NIPA2: variants seen among roughly 807,000 people sequenced by gnomAD.
The protein encoded by NIPA2 is NIPA magnesium transporter 2.
Under a neutral mutation model 29.7 loss-of-function variants are expected in NIPA2, and 11 were observed. That is an observed-to-expected ratio of 0.37 (90% confidence interval 0.23 to 0.61). The LOEUF (loss-of-function observed/expected upper bound fraction) is 0.61. Ranked by LOEUF, NIPA2 falls within the 20% of genes least tolerant of loss-of-function variation. The probability of loss-of-function intolerance (pLI) is 0.66; values close to 1 mark genes in which losing one functional copy is unlikely to be tolerated. For synonymous variants in NIPA2, 183 were observed against 161.9 expected, an observed-to-expected ratio of 1.13 and a Z score of -0.99; for missense variants, 426 against 437.9, an observed-to-expected ratio of 0.97 and a Z score of 0.24.
rs12439822 is a variant in NIPA2, at chr15:22,860,320, T to C, written c.288-309T>C. Among the ~76,000 whole-genome samples, 66,122 of 152,094 alleles carry C rather than the reference T, an allele frequency of 0.43. 16,453 individuals carry two copies. Among genetic ancestry groups the C allele is most frequent in the Non-Finnish European group, 0.55 (37,719 of 67,972 alleles). ...CAGGCGTGAGGCACTCTGCCTGGCC[T>C]GGATATAGGTTCTTAATTAGGATAT... On this transcript the variant is annotated intron_variant, in intron 6 of 7. Coordinates refer to ENST00000337451, the MANE Select transcript of NIPA2 (RefSeq NM_030922.7).
At chr15:22,846,303 A>G (rs1898619358) in intron 3 of NIPA2, among the ~76,000 whole-genome samples, 1 of 152,108 alleles carries the variant, frequency 6.6e-6, no homozygotes, top group African/African-American at 2.4e-5. Flanking sequence ...CACTGTGATG[A>G]GAATTGTTTG....
intron 7 of NIPA2, among the ~76,000 whole-genome samples, chr15:22,864,154 A>G (rs978401965): frequency 6.6e-6 from 1 of 151,544 alleles, no homozygotes; most frequent in South Asian, 2.1e-4. Context: ...GTCTTTGGCT[A>G]TCTTTCTTTT....
intron 3 of NIPA2, 85 bp from the exon 4 acceptor site, chr15:22,851,554 G>A (rs2057744059): frequency 2.5e-6 from 1 of 394,408 alleles, no homozygotes; most frequent in South Asian, 8.9e-5. Context: ...TTCTTTAGGG[G>A]AAGAGAAATG....
At chr15:22,849,622 C>T (rs2057566041) in intron 3 of NIPA2, among the ~76,000 whole-genome samples, 1 of 151,264 alleles carries the variant, frequency 6.6e-6, no homozygotes, top group Non-Finnish European at 1.5e-5. Context: ...TGCAGTGGCG[C>T]GATCTCGGCT....
chr15:22,844,758 C>CACAACA (rs200008818), intron 2 of NIPA2, among the ~76,000 whole-genome samples: 8,397 of 151,884 alleles, frequency 0.055, 331 homozygotes, highest in Non-Finnish European at 0.081. Flanking sequence ...TGTCAAAAAC[C>CACAACA]ACAACAACAA....
In NIPA2 at chr15:22,866,806, GA is replaced by G; in HGVS notation, c.1046del (p.Asn349MetfsTer9). The G allele has an allele frequency of 6.2e-7, 1 of 1,602,862 alleles. No individual in the cohort carries two copies. The highest frequency in any genetic ancestry group is 8.5e-7 in the Non-Finnish European group (1 of 1,173,752). On this transcript the variant is annotated frameshift_variant, in exon 8 of 8. Coordinates refer to ENST00000337451, the MANE Select transcript of NIPA2 (RefSeq NM_030922.7). LOFTEE classifies it high-confidence loss of function. ...LTCGIEQHTG[E>X]NVSRRNGNLT... ...CTGTGGAATCGAACAACACACTGGT[GA>G]AAATGTCTCCCGAAGAAATGGAAAT...
At chr15:22,852,404 C>T (rs948159311) in intron 4 of NIPA2, among the ~76,000 whole-genome samples, 1 of 149,998 alleles carries the variant, frequency 6.7e-6, no homozygotes, top group Non-Finnish European at 1.5e-5. Flanking sequence ...AGGCAGAAAC[C>T]TCTGCAGTGA....
chr15:22,863,523 GTCCTGTGGCC>G (rs1256790820), intron 7 of NIPA2, among the ~76,000 whole-genome samples: 1 of 152,188 alleles, frequency 6.6e-6, no homozygotes, highest in Non-Finnish European at 1.5e-5. Context: ...TCCCTGCTTA[GTCCTGTGGCC>G]TCCTGGCCGG....
chr15:22,862,538 T>G, intron 7 of NIPA2, among the ~76,000 whole-genome samples: 1 of 152,262 alleles, frequency 6.6e-6, no homozygotes, highest in Middle Eastern at 3.4e-3. Flanking sequence ...AGATTTTCTG[T>G]TTTTTCTTCC....
At chr15:22,863,058 CATCTG>C (rs1479890423) in intron 7 of NIPA2, among the ~76,000 whole-genome samples, 2 of 150,366 alleles carry the variant, frequency 1.3e-5, no homozygotes, top group Non-Finnish European at 3.0e-5. Flanking sequence ...TGTGCCACCA[CATCTG>C]GCTAATTTTT....
chr15:22,866,124 C>T (rs755128204), intron 7 of NIPA2, 89 bp from the exon 8 acceptor site: 13 of 1,057,108 alleles, frequency 1.2e-5, no homozygotes, highest in Non-Finnish European at 1.6e-5. Context: ...ACCTTTTCTC[C>T]CTATCAAGTT....
chr15:22,862,457 C>G (rs1243229346), intron 7 of NIPA2, among the ~76,000 whole-genome samples: 1 of 152,124 alleles, frequency 6.6e-6, no homozygotes, highest in African/African-American at 2.4e-5. Flanking sequence ...AGTTCCTGAC[C>G]TAGATCATTA....
rs2059177060 is a variant in NIPA2, at chr15:22,867,394, AAAAAG to A, written c.*548_*552del. On this transcript the variant is annotated 3_prime_UTR_variant, in exon 8 of 8. Transcript: ENST00000337451. ...AGGAACCTCTTTCTTACAAAACAAA[AAAAAG>A]GGCAGAAATCACCCCAAGGAACGAT... 2.1e-5 allele frequency: 8 copies of A among 387,116 alleles called. No homozygotes were observed. Among genetic ancestry groups the A allele is most frequent in the Non-Finnish European group, 2.3e-5 (5 of 219,830 alleles). The allele number at this position is 387,116 out of a possible 1,614,324, so 24.0% of individuals were successfully genotyped here.
Position 22,866,807 on chromosome 15 carries a change from A to T in NIPA2, c.1043A>T (p.Glu348Val). 1 of 1,602,922 alleles carries T rather than the reference A, an allele frequency of 6.2e-7. No homozygotes were observed. Among genetic ancestry groups the T allele is most frequent in the Non-Finnish European group, 8.5e-7 (1 of 1,173,746 alleles). The change falls in exon 8 of 8, where the codon GAA (glutamate) becomes GTA (valine). Residue 348 changes from glutamate (E) to valine (V), a missense_variant. Transcript: ENST00000337451. ...TGTGGAATCGAACAACACACTGGTG[A>T]AAATGTCTCCCGAAGAAATGGAAAT... Reference protein sequence around the residue: ...LTCGIEQHTGENVSRRNGNLT... With the variant: ...LTCGIEQHTGVNVSRRNGNLT...
chr15:22,853,750 TCATA>T (rs1250999774), intron 5 of NIPA2, among the ~76,000 whole-genome samples: 1 of 152,144 alleles, frequency 6.6e-6, no homozygotes, highest in African/African-American at 2.4e-5. Flanking sequence ...GGCATGCAAT[TCATA>T]ATAATTGCAT....
intron 7 of NIPA2, among the ~76,000 whole-genome samples, chr15:22,862,142 G>T: frequency 6.8e-6 from 1 of 146,820 alleles, no homozygotes; most frequent in Middle Eastern, 3.8e-3. Context: ...CCGCCTCTTG[G>T]GTTCAAGTTA....
chr15:22,854,671 GGGAGGT>G (rs907693968), intron 5 of NIPA2, among the ~76,000 whole-genome samples: 1 of 151,920 alleles, frequency 6.6e-6, no homozygotes, highest in Non-Finnish European at 1.5e-5. Context: ...GCTTGAAACT[GGGAGGT>G]GGAGGTTGCA....
intron 5 of NIPA2, among the ~76,000 whole-genome samples, chr15:22,857,338 G>A (rs887655494): frequency 1.7e-4 from 26 of 152,050 alleles, no homozygotes; most frequent in African/African-American, 6.3e-4. Flanking sequence ...TTGGGAGGCT[G>A]AGGCAGGAGA....
chr15:22,840,756 A>G (rs1366011095), intron 2 of NIPA2, among the ~76,000 whole-genome samples: 1 of 152,190 alleles, frequency 6.6e-6, no homozygotes, highest in Admixed American at 6.5e-5. Context: ...AGAAATGAGT[A>G]GAAATGATGC....
Sources: allele counts gnomAD v4.1 joint callset (sites outside exome capture counted in the v4.1 genomes callset), GRCh38; gene constraint gnomAD v4.1.1; transcripts MANE v1.5; gene names NCBI Gene and HGNC (gene_info 2026-07-23, HGNC 2026-07-21).